PTK2B: variants seen among roughly 807,000 people sequenced by gnomAD.
PTK2B encodes protein-tyrosine kinase 2-beta.
Under a neutral mutation model 142.9 loss-of-function variants are expected in PTK2B, and 71 were observed. The ratio of observed to expected loss-of-function variants is 0.50; its 90% CI spans 0.41 to 0.61. The LOEUF is 0.61. PTK2B is among the 20% of genes least tolerant of loss of function. The probability of loss-of-function intolerance (pLI) is 0.00; values close to 1 mark genes in which losing one functional copy is unlikely to be tolerated. For synonymous variants in PTK2B, 519 were observed against 503.4 expected (o/e 1.03, Z -0.42); for missense variants, 1,105 against 1,320.4 (o/e 0.84, Z 2.53).
At chr8:27,437,693 C>T in intron 17 of PTK2B, 72 bp from the exon 18 acceptor site, 3 of 1,454,560 alleles carry the variant, frequency 2.1e-6, no homozygotes, top group Non-Finnish European at 2.8e-6. Context: ...TCAGGGGTTG[C>T]CAGCACCCTG....
chr8:27,444,850 T>C (rs772883779), intron 23 of PTK2B, among the ~76,000 whole-genome samples: 1 of 152,140 alleles, frequency 6.6e-6, no homozygotes, highest in Non-Finnish European at 1.5e-5. Context: ...GAGCCACTGC[T>C]CAAAAATTGA....
At chr8:27,457,536 A>G (rs1423564025) in intron 30 of PTK2B, among the ~76,000 whole-genome samples, 4 of 152,248 alleles carry the variant, frequency 2.6e-5, no homozygotes, top group African/African-American at 9.6e-5. Context: ...GATCTGGCCA[A>G]AGTTCACTGA....
intron 1 of PTK2B, among the ~76,000 whole-genome samples, chr8:27,376,492 C>G (rs971143812): frequency 4.6e-5 from 7 of 152,158 alleles, no homozygotes; most frequent in African/African-American, 1.7e-4. Context: ...TAAACAGGAG[C>G]TAGGTAAAAT....
intron 26 of PTK2B, 113 bp from the exon 27 acceptor site, chr8:27,451,372 T>A (rs1165224431): frequency 2.0e-6 from 3 of 1,525,856 alleles, no homozygotes; most frequent in African/African-American, 2.7e-5. Flanking sequence ...CCCGACCCCA[T>A]GGCTGTAATC....
At chr8:27,362,727 G>A (rs1386710946) in intron 1 of PTK2B, among the ~76,000 whole-genome samples, 1 of 152,098 alleles carries the variant, frequency 6.6e-6, no homozygotes, top group Non-Finnish European at 1.5e-5. Context: ...AGCCTCGGGA[G>A]CCTGTCTCTG....
At chr8:27,437,370 G>A in intron 16 of PTK2B, 26 bp from the exon 17 acceptor site, 4 of 1,598,182 alleles carry the variant, frequency 2.5e-6, no homozygotes, top group East Asian at 2.2e-5. Flanking sequence ...CGCTCCACCT[G>A]TCCCTCTTGC....
At chr8:27,423,535 G>A (rs1490603876) in intron 5 of PTK2B, among the ~76,000 whole-genome samples, 1 of 152,170 alleles carries the variant, frequency 6.6e-6, no homozygotes, top group Non-Finnish European at 1.5e-5. Context: ...AGATATATGG[G>A]TTGATGGGAT....
At chr8:27,429,241 A>G (rs532123922) in intron 5 of PTK2B, among the ~76,000 whole-genome samples, 1 of 152,366 alleles carries the variant, frequency 6.6e-6, no homozygotes, top group East Asian at 1.9e-4. Flanking sequence ...GAACTGTCTA[A>G]AAGTCATTGC....
At chr8:27,343,258 C>A (rs1804519172) in intron 1 of PTK2B, among the ~76,000 whole-genome samples, 1 of 152,146 alleles carries the variant, frequency 6.6e-6, no homozygotes, top group South Asian at 2.1e-4. Flanking sequence ...TCTTCCAGAT[C>A]CACCTTCTTC....
intron 8 of PTK2B, 150 bp from the exon 9 acceptor site, chr8:27,431,248 G>A: frequency 6.6e-7 from 1 of 1,523,482 alleles, no homozygotes; most frequent in South Asian, 1.3e-5. Context: ...GTGTCAGGAG[G>A]GGAAGATCCA....
intron 5 of PTK2B, among the ~76,000 whole-genome samples, chr8:27,424,702 T>C (rs1008614785): frequency 5.3e-5 from 8 of 152,226 alleles, no homozygotes; most frequent in African/African-American, 1.4e-4. Flanking sequence ...CCAAAGAGAA[T>C]TGGACACACT....
intron 4 of PTK2B, 145 bp from the exon 5 acceptor site, chr8:27,422,159 C>T (rs1276074836): frequency 1.4e-6 from 1 of 705,738 alleles, no homozygotes; most frequent in Non-Finnish European, 2.3e-6. Context: ...CTCGTGCTCT[C>T]CATCCCTGCT....
rs191412916 is a variant in PTK2B at position 27,422,142 on chromosome 8, C to A, written c.472-162C>A. 5.6e-3 allele frequency: 3,264 copies of A among 584,448 alleles called. 18 individuals carry two copies. The highest frequency in any genetic ancestry group is 0.012 in the Middle Eastern group (34 of 2,826). 36.2% of individuals were successfully genotyped at this position (584,448 alleles called of 1,614,324 possible). Reference sequence around the variant, plus strand: ...CTCGGCCTGTGGAGGCACAAGCACCCTTTCCCCTCGTGCTCTCCATCCCTG... The same window carrying A: ...CTCGGCCTGTGGAGGCACAAGCACCATTTCCCCTCGTGCTCTCCATCCCTG... On this transcript the variant is annotated intron_variant, in intron 4 of 30. Transcript: ENST00000346049.
chr8:27,410,871 A>G (rs1809016282), intron 2 of PTK2B, among the ~76,000 whole-genome samples: 1 of 152,226 alleles, frequency 6.6e-6, no homozygotes, highest in Non-Finnish European at 1.5e-5. Context: ...TATTTGATAA[A>G]GCAACTAAAT....
In PTK2B at chr8:27,458,505, A is replaced by T. The variant is rs981205835; in HGVS notation, c.3026A>T (p.Glu1009Val). 65 of 1,566,752 alleles carry T rather than the reference A, an allele frequency of 4.1e-5. No individual in the cohort carries two copies. The highest frequency in any genetic ancestry group is 5.4e-5 in the Non-Finnish European group (63 of 1,156,754). Residue 1009 changes from glutamate to valine, a missense_variant, in exon 31 of 31, where the codon GAG (glutamate) becomes GTG (valine). Physicochemically the swap from Glu to Val is moderately radical, Grantham distance 121. Transcript: ENST00000346049. ...VLANLAHPPA[E>V] is the part of the protein sequence containing the mutation. ...GCCAATCTGGCCCACCCACCTGCAGAGTGACGGAGGGTGGGGGCCACCTGC... is the reference window on the plus strand; with the variant it reads ...GCCAATCTGGCCCACCCACCTGCAGTGTGACGGAGGGTGGGGGCCACCTGC...
intron 1 of PTK2B, among the ~76,000 whole-genome samples, chr8:27,345,374 C>T (rs1175305610): frequency 6.6e-6 from 1 of 152,240 alleles, no homozygotes; most frequent in Non-Finnish European, 1.5e-5. Context: ...TTACCATCTC[C>T]TCTTCATCTT....
intron 1 of PTK2B, among the ~76,000 whole-genome samples, chr8:27,385,460 A>G (rs1807290010): frequency 6.6e-6 from 1 of 152,180 alleles, no homozygotes; most frequent in Non-Finnish European, 1.5e-5. Flanking sequence ...ATATCTGTCT[A>G]TCCTATTTAA....
chr8:27,375,951 G>A lies in PTK2B; in HGVS notation c.-37-21597G>A, dbSNP rs559278088. ...ACACATGATGCCAATGTTGACAGCC[G>A]AGAATAGAACCCAAGAGTGGGAGGT... On this transcript the variant is annotated intron_variant, in intron 1 of 30. Coordinates refer to ENST00000346049, the MANE Select transcript of PTK2B (RefSeq NM_173176.3). Among the ~76,000 whole-genome samples the A allele has an allele frequency of 1.3e-4, 20 of 152,344 alleles. No individual in the cohort carries two copies. In the East Asian group the frequency reaches 2.3e-3, roughly 18 times the overall value.
Position 27,430,886 on chromosome 8 carries a change from T to G in PTK2B, c.680T>G (p.Phe227Cys). 6.2e-7 allele frequency: 1 copy of G among 1,613,874 alleles called. No individual in the cohort carries two copies. Among genetic ancestry groups the G allele is most frequent in the Non-Finnish European group, 8.5e-7 (1 of 1,179,906 alleles). ...CATCCCCTCCCCCAGCCCAAACAGTTCCGGAAGATGATCCAGCAGACCTTC... is the reference window on the plus strand; with the variant it reads ...CATCCCCTCCCCCAGCCCAAACAGTGCCGGAAGATGATCCAGCAGACCTTC... ...QMQENLKPKQ[F>C]RKMIQQTFQQ... The change falls in exon 8 of 31, where the codon TTC becomes TGC. Residue 227 changes from phenylalanine to cysteine, a missense_variant. Coordinates refer to ENST00000346049, the MANE Select transcript of PTK2B (RefSeq NM_173176.3).
Sources: allele counts gnomAD v4.1 joint callset (sites outside exome capture counted in the v4.1 genomes callset), GRCh38; gene constraint gnomAD v4.1.1; transcripts MANE v1.5; gene names NCBI Gene and HGNC (gene_info 2026-07-23, HGNC 2026-07-21).